Variants in DLGAP2 observed in about 807,000 individuals in gnomAD.
DLGAP2 encodes the protein DLG associated protein 2.
DLGAP2 carries 26 observed loss-of-function variants against 100.3 expected under a neutral mutation model. That is an observed-to-expected ratio of 0.26 (90% confidence interval 0.19 to 0.36). The LOEUF is 0.36. Ranked by LOEUF, DLGAP2 falls within the 10% of genes least tolerant of loss-of-function variation. The pLI is 1.00. For synonymous variants in DLGAP2, 886 were observed against 630.1 expected (o/e 1.41, Z -6.08); for missense variants, 1,858 against 1,453.2 (o/e 1.28, Z -4.53).
rs549015852 is a variant in DLGAP2 at position 1,365,275 on chromosome 8, A to T, written c.106+106392A>T. Among the ~76,000 whole-genome samples the T allele has an allele frequency of 1.8e-3, 274 of 152,074 alleles. 2 individuals are homozygous for T. The highest frequency in any genetic ancestry group is 7.6e-3 in the East Asian group (39 of 5,132). ...TCTCCCAGAGCCTCAAGCTCCGGGG[A>T]TGTGTGGCTCAGGTGCTGAGCCTGG... On this transcript the variant is annotated intron_variant, in intron 3 of 14. Coordinates refer to ENST00000637795, the MANE Select transcript of DLGAP2 (RefSeq NM_001346810.2).
chr8:1,604,189 A>T (rs139106533), intron 6 of DLGAP2, among the ~76,000 whole-genome samples: 6 of 152,304 alleles, frequency 3.9e-5, no homozygotes, highest in African/African-American at 9.6e-5. Context: ...ATTTTCCTGG[A>T]AACATTGCTA....
At chr8:1,145,828 T>G (rs1260224759) in intron 2 of DLGAP2, among the ~76,000 whole-genome samples, 1 of 145,008 alleles carries the variant, frequency 6.9e-6, no homozygotes, top group African/African-American at 2.6e-5. Flanking sequence ...GTGTTCTCAT[T>G]GTTCAATTCC....
chr8:1,306,200 C>T (rs1800487299), intron 3 of DLGAP2, among the ~76,000 whole-genome samples: 1 of 151,726 alleles, frequency 6.6e-6, no homozygotes, highest in Admixed American at 6.6e-5. Flanking sequence ...TCCCCCCCAC[C>T]CACACACACC....
rs755139154 is a variant in DLGAP2, at chr8:1,337,208, GTGATGATGA to G, written c.106+78329_106+78337del. On this transcript the variant is annotated intron_variant, in intron 3 of 14. Coordinates refer to ENST00000637795, the MANE Select transcript of DLGAP2 (RefSeq NM_001346810.2). ...GGTGGTGAGAATGATGGTGATGATG[GTGATGATGA>G]TGAGGATGATGGTGGTGGTGAGAAT... Among the ~76,000 whole-genome samples, 10 of 82,452 alleles carry G rather than the reference GTGATGATGA, an allele frequency of 1.2e-4. No individual in the cohort carries two copies. The East Asian group carries it at 2.1e-3, about 17-fold the overall frequency. 54.1% of individuals were successfully genotyped at this position (82,452 alleles called of 152,430 possible). A position where few individuals can be genotyped will look rare whatever the true frequency, so the allele number is the denominator to read the frequency against.
chr8:955,674 A>C (rs911615462), intron 2 of DLGAP2, among the ~76,000 whole-genome samples: 1 of 152,096 alleles, frequency 6.6e-6, no homozygotes, highest in African/African-American at 2.4e-5. Context: ...TTTTCACTTA[A>C]TGTTCCAGAT....
chr8:1,132,081 G>A (rs558641433), intron 2 of DLGAP2, among the ~76,000 whole-genome samples: 47 of 152,316 alleles, frequency 3.1e-4, no homozygotes, highest in Non-Finnish European at 5.9e-4. Context: ...GGTTAGTGCT[G>A]TGATCTCTTA....
intron 1 of DLGAP2, among the ~76,000 whole-genome samples, chr8:808,732 C>T (rs945459532): frequency 2.0e-5 from 3 of 152,166 alleles, no homozygotes; most frequent in Non-Finnish European, 2.9e-5. Flanking sequence ...AGCCTGCCAG[C>T]CAACCCACCT....
rs191276470 is a variant in DLGAP2 at position 1,286,569 on chromosome 8, G to A, written c.106+27686G>A. On this transcript the variant is annotated intron_variant, in intron 3 of 14. Coordinates refer to ENST00000637795, the MANE Select transcript of DLGAP2 (RefSeq NM_001346810.2). ...GGGATGCGGAGGTGCTTGACAGTGA[G>A]AGCTTTCCCCTCTCCATGCCCATAC... Among the ~76,000 whole-genome samples, 1,000 of 152,282 alleles carry A rather than the reference G, an allele frequency of 6.6e-3. 17 individuals carry two copies. The highest frequency in any genetic ancestry group is 0.023 in the African/African-American group (945 of 41,556).
chr8:905,602 T>C (rs186316772), intron 1 of DLGAP2, among the ~76,000 whole-genome samples: 95 of 152,292 alleles, frequency 6.2e-4, no homozygotes, highest in African/African-American at 2.0e-3. Context: ...TGCCTGTCCC[T>C]GACCCTAAAG....
intron 6 of DLGAP2, among the ~76,000 whole-genome samples, chr8:1,595,339 C>T (rs1356781485): frequency 1.3e-5 from 2 of 151,966 alleles, no homozygotes; most frequent in Non-Finnish European, 2.9e-5. Context: ...AATAGGTTCC[C>T]ACCTCAAAAA....
intron 2 of DLGAP2, among the ~76,000 whole-genome samples, chr8:1,195,165 C>T (rs932959505): frequency 6.6e-6 from 1 of 152,244 alleles, no homozygotes. Context: ...CAGTGAACAT[C>T]TGAAGAGACG....
At chr8:921,127 C>A (rs1254425119) in intron 2 of DLGAP2, among the ~76,000 whole-genome samples, 2 of 152,186 alleles carry the variant, frequency 1.3e-5, no homozygotes, top group Non-Finnish European at 2.9e-5. Context: ...TCTCCATCTC[C>A]TTCTGCGAGA....
chr8:1,304,512 G>T (rs1327457343), intron 3 of DLGAP2, among the ~76,000 whole-genome samples: 1 of 152,228 alleles, frequency 6.6e-6, no homozygotes, highest in African/African-American at 2.4e-5. Context: ...AACGGCTTCA[G>T]TGATGATTCA....
intron 4 of DLGAP2, among the ~76,000 whole-genome samples, chr8:1,509,147 G>A (rs1800062314): frequency 6.6e-6 from 1 of 151,966 alleles, no homozygotes; most frequent in Middle Eastern, 3.2e-3. Context: ...CCTGCCTAAA[G>A]CTGTAAAACC....
chr8:1,293,280 G>C (rs1005913407), intron 3 of DLGAP2, among the ~76,000 whole-genome samples: 2 of 152,196 alleles, frequency 1.3e-5, no homozygotes, highest in African/African-American at 4.8e-5. Flanking sequence ...GGGGACTCAG[G>C]AGTGGAGCAT....
chr8:1,442,252 GC>G (rs1374348145), intron 3 of DLGAP2, among the ~76,000 whole-genome samples: 1 of 104,716 alleles, frequency 9.5e-6, no homozygotes, highest in African/African-American at 2.9e-5. Flanking sequence ...GACCCGCCAG[GC>G]TGCTGTGGGT....
At chr8:1,357,054 C>T (rs1344213992) in intron 3 of DLGAP2, among the ~76,000 whole-genome samples, 5 of 150,628 alleles carry the variant, frequency 3.3e-5, no homozygotes, top group Admixed American at 2.6e-4. Flanking sequence ...CTGTTAACGT[C>T]TGTTCTGTTT....
At chr8:779,655 G>A (rs1294292994) in intron 1 of DLGAP2, among the ~76,000 whole-genome samples, 1 of 151,738 alleles carries the variant, frequency 6.6e-6, no homozygotes, top group Non-Finnish European at 1.5e-5. Flanking sequence ...TGAGAAGGTG[G>A]TAGTGACTTA....
intron 2 of DLGAP2, among the ~76,000 whole-genome samples, chr8:957,767 C>T (rs1799629140): frequency 1.3e-5 from 2 of 151,958 alleles, no homozygotes; most frequent in South Asian, 4.2e-4. Flanking sequence ...CAGAAATGAA[C>T]ATTTTAGAAG....
Sources: allele counts gnomAD v4.1 joint callset (sites outside exome capture counted in the v4.1 genomes callset), GRCh38; gene constraint gnomAD v4.1.1; transcripts MANE v1.5; gene names NCBI Gene and HGNC (gene_info 2026-07-23, HGNC 2026-07-21).